The following CD163L1 variants were observed in gnomAD, a reference collection of about 807,000 sequenced individuals.
The protein encoded by CD163L1 is scavenger receptor cysteine-rich type 1 protein M160.
In CD163L1, 124 loss-of-function variants were observed where a neutral mutation model predicts 165.4. That is an observed-to-expected ratio of 0.75 (90% CI 0.65 to 0.87). CD163L1 has a LOEUF of 0.87. Among genes scored for constraint, CD163L1 ranks in the 40% least tolerant of loss-of-function variants. CD163L1 has a pLI of 0.00. For synonymous variants in CD163L1, 585 were observed against 662.2 expected, an observed-to-expected ratio of 0.88 and a Z score of 1.79; for missense variants, 1,525 against 1,799.9, an observed-to-expected ratio of 0.85 and a Z score of 2.76.
chr12:7,377,690 T>G (rs951736192), intron 9 of CD163L1, among the ~76,000 whole-genome samples: 1 of 152,218 alleles, frequency 6.6e-6, no homozygotes, highest in African/African-American at 2.4e-5. Flanking sequence ...TATTGGCCTC[T>G]TAGGGCTTTT....
chr12:7,357,585 A>AT, intron 18 of CD163L1, 99 bp from the exon 19 acceptor site: 1 of 879,746 alleles, frequency 1.1e-6, no homozygotes. Flanking sequence ...GGAAAGTATA[A>AT]TAGAGCAAGA....
intron 18 of CD163L1, 126 bp from the exon 19 acceptor site, chr12:7,357,612 A>G: frequency 1.7e-6 from 1 of 599,558 alleles, no homozygotes; most frequent in East Asian, 2.7e-5. Context: ...TATTACATAA[A>G]TTAAGAGCAC....
Position 7,375,964 on chromosome 12 carries a change from C to T in CD163L1, c.2422G>A (p.Val808Ile), listed in dbSNP as rs1480912622. ...VGADMPCSGR[V>I]EVKHADTWRS... ...CATGTGTCTGCATGTTTCACTTCAA[C>T]ACGTCCAGAGCAGGGCATATCAGCT... The change falls in exon 10 of 20, where the codon GTT (valine) becomes ATT (isoleucine). Residue 808 changes from valine to isoleucine, a missense_variant. Val to Ile is a conservative substitution (Grantham distance 29). Coordinates refer to ENST00000313599, the MANE Select transcript of CD163L1 (RefSeq NM_174941.6). The T allele has an allele frequency of 1.9e-6, 3 of 1,614,220 alleles. No homozygotes were observed. The highest frequency in any genetic ancestry group is 2.5e-6 in the Non-Finnish European group (3 of 1,180,028).
chr12:7,356,504 C>T (rs1035858072), intron 19 of CD163L1, among the ~76,000 whole-genome samples: 4 of 152,040 alleles, frequency 2.6e-5, no homozygotes, highest in Non-Finnish European at 5.9e-5. Flanking sequence ...TAATAAAAAT[C>T]AGGAGATATG....
chr12:7,381,127 T>C (rs1947398322), intron 8 of CD163L1, among the ~76,000 whole-genome samples: 1 of 152,190 alleles, frequency 6.6e-6, no homozygotes, highest in Non-Finnish European at 1.5e-5. Context: ...GTCTATGTGA[T>C]ATCATACTAT....
intron 8 of CD163L1, among the ~76,000 whole-genome samples, chr12:7,380,108 C>T (rs1947353834): frequency 6.6e-6 from 1 of 151,994 alleles, no homozygotes; most frequent in Non-Finnish European, 1.5e-5. Flanking sequence ...AGCAGAGCTA[C>T]CATTTGATCC....
At chr12:7,386,798 C>T (rs1252976684) in intron 8 of CD163L1, among the ~76,000 whole-genome samples, 1 of 151,974 alleles carries the variant, frequency 6.6e-6, no homozygotes, top group Non-Finnish European at 1.5e-5. Flanking sequence ...AAACTCTCAA[C>T]AAACTAGGCA....
Position 7,398,421 on chromosome 12 carries a change from A to G in CD163L1, c.1572T>C (p.His524=), listed in dbSNP as rs1947823197. The stretch of plus-strand genomic sequence containing the variant: ...CTTTAAAATAGGTCATACCAAACAC[A>G]TGCAAAGGCTTTCCACATCCCAATT... ...CKQLGCGKPL[H]VFGMTYFKEA... is the part of the protein sequence containing the mutation. Residue 524 remains histidine (H), a synonymous_variant, in exon 7 of 20, where the codon CAT becomes CAC. Transcript: ENST00000313599. This position sits in a 1 kb window ranked among gnomAD's most constrained non-coding sequence, Gnocchi z 4.5. The G allele has an allele frequency of 2.5e-6, 4 of 1,614,104 alleles. No homozygotes were observed. In the East Asian group the frequency reaches 8.9e-5, roughly 36 times the overall value.
downstream of CD163L1, among the ~76,000 whole-genome samples, chr12:7,345,132 C>CTT (rs75576901): frequency 2.9e-5 from 4 of 139,036 alleles, no homozygotes; most frequent in Non-Finnish European, 4.7e-5. Context: ...ACTGATAATG[C>CTT]TTTTTTTTTT....
chr12:7,367,425 C>T lies in CD163L1; in HGVS notation c.4184-94G>A, dbSNP rs752945423. 25 of 682,710 alleles carry T rather than the reference C, an allele frequency of 3.7e-5. 1 individual carries two copies. In the Middle Eastern group the frequency reaches 2.0e-3, roughly 56 times the overall value. 42.3% of individuals were successfully genotyped at this position (682,710 alleles called of 1,614,324 possible). A position where few individuals can be genotyped will look rare whatever the true frequency, so the allele number is the denominator to read the frequency against. ...TGCTAAGGTTTGACACATATTAATC[C>T]CTCTGAGCTAAAATCCAATGGCTCT... On this transcript the variant is annotated intron_variant, in intron 17 of 19. Coordinates refer to ENST00000313599, the MANE Select transcript of CD163L1 (RefSeq NM_174941.6).
chr12:7,357,596 G>C, intron 18 of CD163L1, 110 bp from the exon 19 acceptor site: 1 of 723,406 alleles, frequency 1.4e-6, no homozygotes, highest in South Asian at 2.0e-5. Context: ...TAGAGCAAGA[G>C]GTGACTATTA....
At chr12:7,375,055 T>A (rs2136429729) in intron 11 of CD163L1, 132 bp from the exon 12 acceptor site, 1 of 923,908 alleles carries the variant, frequency 1.1e-6, no homozygotes, top group South Asian at 1.6e-5. Context: ...TTGAAATCAT[T>A]TTTATTAATG....
rs7296451 is a variant in CD163L1 at position 7,348,520 on chromosome 12, G to A, written c.*25-1373C>T. 8.9e-3 allele frequency among the ~76,000 whole-genome samples: 1,350 copies of A among 152,222 alleles called. 19 individuals are homozygous for A. The highest frequency in any genetic ancestry group is 0.031 in the African/African-American group (1,294 of 41,538). On this transcript the variant is annotated intron_variant, in intron 4 of 4. Transcript: ENST00000539726. Reference sequence around the variant, plus strand: ...TGGTTAGAACATAGCATGCCATTTAGTATATAGCTATTGAGTCAAACTGCC... The same window carrying A: ...TGGTTAGAACATAGCATGCCATTTAATATATAGCTATTGAGTCAAACTGCC...
At chr12:7,386,245 C>T (rs747547783) in intron 8 of CD163L1, among the ~76,000 whole-genome samples, 66 of 152,018 alleles carry the variant, frequency 4.3e-4, no homozygotes, top group African/African-American at 1.5e-3. Context: ...TGTACACATA[C>T]GATCTGCCCA....
intron 2 of CD163L1, 59 bp from the exon 3 acceptor site, chr12:7,433,753 A>G (rs1948672197): frequency 4.0e-6 from 5 of 1,256,716 alleles, no homozygotes; most frequent in South Asian, 1.4e-5. Flanking sequence ...CAGAAATAAT[A>G]TAAGTAGGTG....
rs765847918 is a variant in CD163L1 at position 7,439,998 on chromosome 12, T to A, written c.124+1156A>T. The A allele has an allele frequency of 2.0e-6, 3 of 1,528,654 alleles. No individual in the cohort carries two copies. In the African/African-American group the frequency reaches 4.1e-5, roughly 21 times the overall value. 94.7% of individuals were successfully genotyped at this position (1,528,654 alleles called of 1,614,324 possible). A position where few individuals can be genotyped will look rare whatever the true frequency, so the allele number is the denominator to read the frequency against. On this transcript the variant is annotated intron_variant, in intron 2 of 19. Coordinates refer to ENST00000313599, the MANE Select transcript of CD163L1 (RefSeq NM_174941.6). ...CCGCAGCCTGCTCCATCCTAGCAGCTCCGCAAACCGCCGAGGAAAACCCGC... is the reference window on the plus strand; with the variant it reads ...CCGCAGCCTGCTCCATCCTAGCAGCACCGCAAACCGCCGAGGAAAACCCGC...
intron 8 of CD163L1, among the ~76,000 whole-genome samples, chr12:7,393,845 T>C (rs1947713916): frequency 6.6e-6 from 1 of 152,070 alleles, no homozygotes; most frequent in African/African-American, 2.4e-5. Flanking sequence ...ATAAAATACC[T>C]AGGAATCCAA....
intron 17 of CD163L1, among the ~76,000 whole-genome samples, chr12:7,367,771 A>T (rs1426917259): frequency 6.6e-6 from 1 of 152,178 alleles, no homozygotes. Flanking sequence ...TACATTTTCT[A>T]TTGGCTATTT....
At chr12:7,391,939 C>A (rs1237727773) in intron 8 of CD163L1, among the ~76,000 whole-genome samples, 1 of 152,082 alleles carries the variant, frequency 6.6e-6, no homozygotes. Context: ...CCTTAGAGAC[C>A]TACAAAGAGA....
Sources: allele counts gnomAD v4.1 joint callset (sites outside exome capture counted in the v4.1 genomes callset), GRCh38; gene constraint gnomAD v4.1.1; non-coding constraint Gnocchi (gnomAD v3.1); transcripts MANE v1.5; gene names NCBI Gene and HGNC (gene_info 2026-07-23, HGNC 2026-07-21).